Variants in NLRP3 observed in about 807,000 individuals in gnomAD.
NLRP3 encodes NACHT, LRR and PYD domains-containing protein 3.
In NLRP3, 48 loss-of-function variants were observed where a neutral mutation model predicts 91.3. That is an observed-to-expected ratio of 0.53 (90% confidence interval 0.42 to 0.67). NLRP3 has a LOEUF of 0.67. NLRP3 is among the 30% of genes least tolerant of loss of function. The probability of loss-of-function intolerance (pLI) is 0.00; values close to 1 mark genes in which losing one functional copy is unlikely to be tolerated. For synonymous variants in NLRP3, 561 were observed against 507.9 expected (o/e 1.10, Z -1.41); for missense variants, 982 against 1,276.9 (o/e 0.77, Z 3.52).
In NLRP3 at chr1:247,425,214, T is replaced by C. The variant is rs1395442276; in HGVS notation, c.1765T>C (p.Tyr589His). Residue 589 changes from tyrosine (Y) to histidine (H), a missense_variant, in exon 4 of 10, where the codon TAC becomes CAC. This residue lies in a region of NLRP3 where 32 missense variants were observed against 60.3 expected (regional missense o/e 0.53). Coordinates refer to ENST00000336119, the MANE Select transcript of NLRP3 (RefSeq NM_001243133.2). This position sits in a 1 kb window ranked among gnomAD's most constrained non-coding sequence, Gnocchi z 4.1. ...FGLVNQERTS[Y>H]LEKKLSCKIS... is the part of the protein sequence containing the mutation. The stretch of plus-strand genomic sequence containing the variant: ...CCTGGTAAACCAGGAGAGGACCTCC[T>C]ACTTGGAGAAGAAATTAAGTTGCAA... 1 of 1,614,072 alleles carries C rather than the reference T, an allele frequency of 6.2e-7. No individual in the cohort carries two copies. Among genetic ancestry groups the C allele is most frequent in the Non-Finnish European group, 8.5e-7 (1 of 1,180,040 alleles).
In NLRP3 at chr1:247,433,825, T is replaced by A. The variant is rs796267701; in HGVS notation, c.2322-278T>A. Among the ~76,000 whole-genome samples, 63 of 132,772 alleles carry A rather than the reference T, an allele frequency of 4.7e-4. 1 individual carries two copies. The highest frequency in any genetic ancestry group is 8.2e-4 in the Non-Finnish European group (50 of 60,690). The allele number at this position is 132,772 out of a possible 152,430, so 87.1% of individuals were successfully genotyped here. A position where few individuals can be genotyped will look rare whatever the true frequency, so the allele number is the denominator to read the frequency against. The stretch of plus-strand genomic sequence containing the variant: ...TCTCTGGTCAGGTGTGTCCTGATGC[T>A]TTCTCTATTCCAGAGCTCTCTTGTC... On this transcript the variant is annotated intron_variant, in intron 5 of 9. Coordinates refer to ENST00000336119, the MANE Select transcript of NLRP3 (RefSeq NM_001243133.2).
chr1:247,431,835 C>T (rs540405503), intron 5 of NLRP3, among the ~76,000 whole-genome samples: 18 of 152,222 alleles, frequency 1.2e-4, no homozygotes, highest in Non-Finnish European at 1.5e-4. Context: ...ATGTAGGGGG[C>T]GCAAGAGCAG....
intron 7 of NLRP3, among the ~76,000 whole-genome samples, chr1:247,438,426 C>A (rs1377495140): frequency 7.0e-6 from 1 of 142,308 alleles, no homozygotes; most frequent in Non-Finnish European, 1.5e-5. Flanking sequence ...CTCTGTCACC[C>A]AGGCTAAAAT....
chr1:247,438,362 CG>C (rs1310087924), intron 7 of NLRP3, among the ~76,000 whole-genome samples: 2 of 148,188 alleles, frequency 1.3e-5, no homozygotes. Flanking sequence ...GGGGATTTCA[CG>C]ACTGGTTTAG....
intron 6 of NLRP3, 46 bp downstream of exon 6, chr1:247,434,319 GCTGCGCA>G: frequency 6.2e-7 from 1 of 1,609,888 alleles, no homozygotes; most frequent in Non-Finnish European, 8.5e-7. Flanking sequence ...AGCGAGGCGT[GCTGCGCA>G]CTCTGGCTTC....
chr1:247,436,121 T>C lies in NLRP3; in HGVS notation c.2644T>C (p.Cys882Arg). ...ATGTGAAAAAGCCAAGAATCCACAG[T>C]GTAACCTGCAGAAACTGGGGTAAGT... ...ILCEKAKNPQ[C>R]NLQKLGLVNS... The change falls in exon 7 of 10, where the codon TGT becomes CGT. Residue 882 changes from cysteine to arginine, a missense_variant. Physicochemically the swap from Cys to Arg is radical, Grantham distance 180. Around this residue, in one of 5 missense-constraint regions of NLRP3, gnomAD observed 373 missense variants for 431.5 expected, o/e 0.86. Transcript: ENST00000336119. The C allele has an allele frequency of 6.2e-7, 1 of 1,614,190 alleles. No homozygotes were observed. Among genetic ancestry groups the C allele is most frequent in the Non-Finnish European group, 8.5e-7 (1 of 1,180,018 alleles).
At chr1:247,421,235 A>G (rs1320270340) in intron 2 of NLRP3, among the ~76,000 whole-genome samples, 1 of 152,150 alleles carries the variant, frequency 6.6e-6, no homozygotes, top group Non-Finnish European at 1.5e-5. Flanking sequence ...AGGAGTACAA[A>G]TGAGTCAGTG....
rs1664440014 is a variant in NLRP3, at chr1:247,444,195, A to G, written c.2834+53A>G. 6 of 1,564,948 alleles carry G rather than the reference A, an allele frequency of 3.8e-6. No individual in the cohort carries two copies. In the South Asian group the frequency reaches 6.7e-5, roughly 17 times the overall value. ...GAGAACACATGGTGGCCAAGGGTGG[A>G]GGGACGTTTAGGCAGAGTGGCCACA... On this transcript the variant is annotated intron_variant, in intron 8 of 9. Coordinates refer to ENST00000336119, the MANE Select transcript of NLRP3 (RefSeq NM_001243133.2).
chr1:247,444,926 A>G, intron 9 of NLRP3, 105 bp downstream of exon 9: 1 of 1,247,442 alleles, frequency 8.0e-7, no homozygotes, highest in South Asian at 1.3e-5. Flanking sequence ...GCAGCCACTC[A>G]AGATTAGGTT....
Position 247,417,158 on chromosome 1 carries a change from A to G in NLRP3, c.-748-895A>G, listed in dbSNP as rs141551614. The stretch of plus-strand genomic sequence containing the variant: ...GGGGAAGTGTGTCTTTTAGTCATCT[A>G]TTTTGTTGTCTTTGTCTTTGTCTGA... On this transcript the variant is annotated intron_variant, in intron 1 of 9. Transcript: ENST00000336119. Among the ~76,000 whole-genome samples the G allele has an allele frequency of 2.2e-3, 339 of 152,294 alleles. 3 individuals are homozygous for G. Among genetic ancestry groups the G allele is most frequent in the African/African-American group, 7.9e-3 (328 of 41,562 alleles).
chr1:247,429,888 T>C, intron 5 of NLRP3, 133 bp downstream of exon 5: 2 of 1,207,418 alleles, frequency 1.7e-6, no homozygotes, highest in Non-Finnish European at 2.3e-6. Context: ...TTTTTTCTTT[T>C]TTTGAGGCAG....
chr1:247,427,043 G>T (rs1170730945), intron 4 of NLRP3, among the ~76,000 whole-genome samples: 1 of 152,228 alleles, frequency 6.6e-6, no homozygotes, highest in Non-Finnish European at 1.5e-5. Context: ...ATAAGCAAAA[G>T]GAAGGTTCAC....
rs756156231 is a variant in NLRP3, at chr1:247,436,023, T to C, written c.2546T>C (p.Leu849Ser). The C allele has an allele frequency of 6.2e-7, 1 of 1,614,152 alleles. No homozygotes were observed. The highest frequency in any genetic ancestry group is 2.2e-5 in the East Asian group (1 of 44,878). ...TGTTGTCAGGATCTTGCATCAGTAT[T>C]GAGCACCAGCCATTCCCTGACCAGA... ...SACCQDLASVLSTSHSLTRLY... is the reference protein window; with the variant it reads ...SACCQDLASVSSTSHSLTRLY... Residue 849 changes from leucine to serine, a missense_variant, in exon 7 of 10, where the codon TTG becomes TCG. Leu to Ser is a moderately radical substitution (Grantham distance 145, BLOSUM62 -2). This residue lies in a region of NLRP3 where 373 missense variants were observed against 431.5 expected (regional missense o/e 0.86). Coordinates refer to ENST00000336119, the MANE Select transcript of NLRP3 (RefSeq NM_001243133.2).
intron 6 of NLRP3, among the ~76,000 whole-genome samples, chr1:247,434,920 A>G (rs1335038508): frequency 6.6e-6 from 1 of 152,248 alleles, no homozygotes; most frequent in Non-Finnish European, 1.5e-5. Context: ...TACTGGAGCC[A>G]GCATTTCCAC....
chr1:247,422,268 G>GTCA (rs1432083228), intron 2 of NLRP3, among the ~76,000 whole-genome samples: 1 of 151,422 alleles, frequency 6.6e-6, no homozygotes, highest in Admixed American at 6.6e-5. Context: ...AGTCCCAGCT[G>GTCA]TTCTGGAGGC....
At chr1:247,430,675 C>G (rs536912215) in intron 5 of NLRP3, among the ~76,000 whole-genome samples, 16 of 151,862 alleles carry the variant, frequency 1.1e-4, no homozygotes, top group Admixed American at 6.6e-4. Flanking sequence ...CCATGATGCT[C>G]GATATATTCC....
intron 2 of NLRP3, among the ~76,000 whole-genome samples, chr1:247,420,089 C>T (rs1413719258): frequency 6.6e-6 from 1 of 152,044 alleles, no homozygotes; most frequent in Non-Finnish European, 1.5e-5. Context: ...TTTATTTTTT[C>T]TTTTTTATAG....
At position 247,433,879 on chromosome 1, in the gene NLRP3, G is replaced by A. The variant is rs148560736; in HGVS notation, c.2322-224G>A. Among the ~76,000 whole-genome samples, 1,229 of 108,444 alleles carry A rather than the reference G, an allele frequency of 0.011. 277 individuals carry two copies. The highest frequency in any genetic ancestry group is 0.022 in the Admixed American group (213 of 9,634). The allele number at this position is 108,444 out of a possible 152,430, so 71.1% of individuals were successfully genotyped here. On this transcript the variant is annotated intron_variant, in intron 5 of 9. Transcript: ENST00000336119. Reference sequence around the variant, plus strand: ...TGTGTCCTGATGCTTTCTCTATTCTGGAGCTCTCTGGTCAGATGTGTTCTG... The same window carrying A: ...TGTGTCCTGATGCTTTCTCTATTCTAGAGCTCTCTGGTCAGATGTGTTCTG...
intron 1 of NLRP3, among the ~76,000 whole-genome samples, chr1:247,417,058 T>C (rs1662113893): frequency 6.6e-6 from 1 of 152,214 alleles, no homozygotes; most frequent in African/African-American, 2.4e-5. Flanking sequence ...TGATTGCTAG[T>C]TTTTGTGGAA....
Sources: gnomAD v4.1 joint callset for allele counts (sites outside exome capture counted in the v4.1 genomes callset) on GRCh38, gnomAD v4.1.1 for gene constraint, gnomAD v4.1.1 regional missense constraint, Gnocchi (gnomAD v3.1) non-coding constraint, MANE v1.5 for transcripts, NCBI Gene and HGNC (gene_info 2026-07-23, HGNC 2026-07-21) for gene names.